The following TRIML1 variants were observed in gnomAD, a reference collection of about 807,000 sequenced individuals.
The protein encoded by TRIML1 is probable E3 ubiquitin-protein ligase TRIML1.
In TRIML1, 34 loss-of-function variants were observed where a neutral mutation model predicts 32.3. The observed-to-expected ratio is 1.05, with a 90% CI of 0.80 to 1.40. The LOEUF (loss-of-function observed/expected upper bound fraction) is 1.40. Ranked by LOEUF, TRIML1 falls within the 40% of genes most tolerant of loss-of-function variation. The probability of loss-of-function intolerance (pLI) is 0.00; values close to 1 mark genes in which losing one functional copy is unlikely to be tolerated. For missense variants in TRIML1, 595 were observed against 574.9 expected, an observed-to-expected ratio of 1.03 and a Z score of -0.36; for synonymous variants, 244 against 226.6, an observed-to-expected ratio of 1.08 and a Z score of -0.69.
upstream of TRIML1, among the ~76,000 whole-genome samples, chr4:188,138,210 AAAC>A (rs1734720767): frequency 6.6e-6 from 1 of 152,102 alleles, no homozygotes; most frequent in Non-Finnish European, 1.5e-5. Context: ...GTGGAGGAAA[AAAC>A]ATTCTCAGCC....
chr4:188,149,953 C>T (rs543309047), downstream of TRIML1, among the ~76,000 whole-genome samples: 25 of 151,992 alleles, frequency 1.6e-4, no homozygotes, highest in South Asian at 4.2e-3. Context: ...CAGGTGCTCG[C>T]GCACCACCAT....
At chr4:188,150,409 G>T (rs185246126), downstream of TRIML1, among the ~76,000 whole-genome samples, 1 of 152,132 alleles carries the variant, frequency 6.6e-6, no homozygotes, top group African/African-American at 2.4e-5. Flanking sequence ...GATTACAGGC[G>T]TGAGCCACCG....
At position 188,142,329 on chromosome 4, in the gene TRIML1, G is replaced by A. The variant is rs1734892435; in HGVS notation, c.582G>A (p.Gln194=). The stretch of plus-strand genomic sequence containing the variant: ...ACCAGTTCCTGAAGGAAGAGGAGCA[G>A]CTGCAACTCCAGCTACTAGAACAGG... ...KMHQFLKEEE[Q]LQLQLLEQEE... Residue 194 remains glutamine, a synonymous_variant, in exon 3 of 6, where the codon CAG becomes CAA. Coordinates refer to ENST00000332517, the MANE Select transcript of TRIML1 (RefSeq NM_178556.5). 6.8e-6 allele frequency: 11 copies of A among 1,613,240 alleles called. No individual in the cohort carries two copies. Among genetic ancestry groups the A allele is most frequent in the Non-Finnish European group, 9.3e-6 (11 of 1,179,902 alleles).
chr4:188,147,390 G>A lies in TRIML1; in HGVS notation c.*18G>A, dbSNP rs373633936. The A allele has an allele frequency of 4.0e-5, 58 of 1,460,144 alleles. No homozygotes were observed. The highest frequency in any genetic ancestry group is 1.4e-4 in the African/African-American group (10 of 70,562). 90.4% of individuals were successfully genotyped at this position (1,460,144 alleles called of 1,614,324 possible). On this transcript the variant is annotated 3_prime_UTR_variant, in exon 6 of 6. Coordinates refer to ENST00000332517, the MANE Select transcript of TRIML1 (RefSeq NM_178556.5). The stretch of plus-strand genomic sequence containing the variant: ...ACGTCTGAGGGGCGTGCCCTGAGCC[G>A]TCACAGCGGGCGATGTCTGAGACCA...
intron 5 of TRIML1, 84 bp downstream of exon 5, chr4:188,144,217 C>A: frequency 1.6e-6 from 2 of 1,215,414 alleles, no homozygotes; most frequent in South Asian, 2.7e-5. Flanking sequence ...CATTCACGAT[C>A]TGACACGAGG....
At position 188,147,287 on chromosome 4, in the gene TRIML1, T is replaced by C. The variant is rs767450126; in HGVS notation, c.1322T>C (p.Leu441Pro). The part of the protein sequence containing the change: ...SFPQASFQEA[L>P]RPIFSPCLPN... ...CCGCAGGCTTCTTTCCAAGAGGCCCTCAGGCCTATCTTTTCCCCCTGCCTC... is the reference window on the plus strand; with the variant it reads ...CCGCAGGCTTCTTTCCAAGAGGCCCCCAGGCCTATCTTTTCCCCCTGCCTC... Residue 441 changes from leucine (L) to proline (P), a missense_variant, in exon 6 of 6, where the codon CTC becomes CCC. By Grantham distance (98) the Leu-to-Pro change is moderately conservative. Coordinates refer to ENST00000332517, the MANE Select transcript of TRIML1 (RefSeq NM_178556.5). 2.6e-6 allele frequency: 4 copies of C among 1,562,870 alleles called. No individual in the cohort carries two copies. In the South Asian group the frequency reaches 4.9e-5, roughly 19 times the overall value.
intron 5 of TRIML1, among the ~76,000 whole-genome samples, chr4:188,146,262 C>T (rs61139716): frequency 0.27 from 40,350 of 151,988 alleles, 5,602 homozygotes; most frequent in Middle Eastern, 0.42. Flanking sequence ...AACAGAGCGA[C>T]GCCCATTCCA....
intron 5 of TRIML1, among the ~76,000 whole-genome samples, chr4:188,144,986 C>T (rs1013973553): frequency 5.3e-5 from 8 of 152,026 alleles, no homozygotes; most frequent in African/African-American, 1.9e-4. Flanking sequence ...CCATGGGCCC[C>T]GGCACTATGC....
At chr4:188,150,096 G>A (rs534747091), downstream of TRIML1, among the ~76,000 whole-genome samples, 5 of 149,358 alleles carry the variant, frequency 3.3e-5, no homozygotes, top group South Asian at 6.4e-4. Flanking sequence ...GAGCCACCGC[G>A]CCCGGCCTTA....
At chr4:188,140,327 G>A (rs1279991134) in intron 1 of TRIML1, among the ~76,000 whole-genome samples, 1 of 152,022 alleles carries the variant, frequency 6.6e-6, no homozygotes, top group East Asian at 1.9e-4. Flanking sequence ...TCACCATGTT[G>A]GCCAGGCTGG....
intron 3 of TRIML1, chr4:188,142,825 A>G (rs1734914136): frequency 5.3e-6 from 1 of 187,310 alleles, no homozygotes; most frequent in African/African-American, 2.5e-5. Flanking sequence ...TAATCTTCAC[A>G]AAGACCTGAT....
chr4:188,139,804 G>C lies in TRIML1; in HGVS notation c.246G>C (p.Arg82=). 6.2e-7 allele frequency: 1 copy of C among 1,613,936 alleles called. No homozygotes were observed. Among genetic ancestry groups the C allele is most frequent in the Non-Finnish European group, 8.5e-7 (1 of 1,180,022 alleles). ...TGGCCAGCATCGCCAGGCAGCTCCG[G>C]TCCCAGGTGCTGCAGAGCGAGGATG... ...GRLASIARQL[R]SQVLQSEDEQ... is the part of the protein sequence containing the mutation. Residue 82 remains arginine, a synonymous_variant, in exon 1 of 6, where the codon CGG becomes CGC. Coordinates refer to ENST00000332517, the MANE Select transcript of TRIML1 (RefSeq NM_178556.5).
At chr4:188,149,709 A>G (rs1196989272), downstream of TRIML1, among the ~76,000 whole-genome samples, 1 of 152,154 alleles carries the variant, frequency 6.6e-6, no homozygotes, top group Non-Finnish European at 1.5e-5. Flanking sequence ...TCCCACCTTG[A>G]CATCACGCAC....
At chr4:188,145,859 C>T (rs1735059300) in intron 5 of TRIML1, among the ~76,000 whole-genome samples, 1 of 152,014 alleles carries the variant, frequency 6.6e-6, no homozygotes, top group Admixed American at 6.6e-5. Flanking sequence ...ATGTGACTGT[C>T]GGTTCACAGA....
chr4:188,145,441 C>CAAAAAAAAAAAAAAAAAAAAAA (rs869253721), intron 5 of TRIML1, among the ~76,000 whole-genome samples: 1 of 34,320 alleles, frequency 2.9e-5, no homozygotes, highest in Admixed American at 4.2e-4. Context: ...GACTCCGTCT[C>CAAAAAAAAAAAAAAAAAAAAAA]AAAAAAAAAA....
At chr4:188,148,540 G>C (rs1278551661), downstream of TRIML1, among the ~76,000 whole-genome samples, 1 of 151,994 alleles carries the variant, frequency 6.6e-6, no homozygotes, top group Non-Finnish European at 1.5e-5. Flanking sequence ...GGTGGCTGAG[G>C]GGAGCTCTTT....
Position 188,146,902 on chromosome 4 carries a change from A to G in TRIML1, c.937A>G (p.Ser313Gly). 6.0e-6 allele frequency: 9 copies of G among 1,495,190 alleles called. No individual in the cohort carries two copies. Among genetic ancestry groups the G allele is most frequent in the Non-Finnish European group, 8.0e-6 (9 of 1,121,716 alleles). The allele number at this position is 1,495,190 out of a possible 1,614,324, so 92.6% of individuals were successfully genotyped here. Residue 313 changes from serine to glycine, a missense_variant, in exon 6 of 6, where the codon AGC (serine) becomes GGC (glycine). Coordinates refer to ENST00000332517, the MANE Select transcript of TRIML1 (RefSeq NM_178556.5). The stretch of plus-strand genomic sequence containing the variant: ...TCTGAAGAGTGTGAAATATGGGGGA[A>G]GCAGACAGCAGCTACCCGACAACCC... ...EDLKSVKYGG[S>G]RQQLPDNPER...
intron 5 of TRIML1, among the ~76,000 whole-genome samples, chr4:188,145,630 C>T (rs1372812841): frequency 6.6e-6 from 1 of 151,666 alleles, no homozygotes; most frequent in Non-Finnish European, 1.5e-5. Context: ...TGAGACCAGC[C>T]TGGCCAGCAT....
chr4:188,149,503 TA>T (rs67456394), downstream of TRIML1, among the ~76,000 whole-genome samples: 99,554 of 151,784 alleles, frequency 0.66, 33,789 homozygotes, highest in Admixed American at 0.76. Flanking sequence ...GTCTGTGAAA[TA>T]AAGAGGGTTT....
Sources: gnomAD v4.1 joint callset for allele counts (sites outside exome capture counted in the v4.1 genomes callset) on GRCh38, gnomAD v4.1.1 for gene constraint, MANE v1.5 for transcripts, NCBI Gene and HGNC (gene_info 2026-07-23, HGNC 2026-07-21) for gene names.